FRK: variants seen among roughly 807,000 people sequenced by gnomAD.
The protein encoded by FRK is fyn related Src family tyrosine kinase.
Under a neutral mutation model 56.4 loss-of-function variants are expected in FRK, and 51 were observed. The ratio of observed to expected loss-of-function variants is 0.90; its 90% CI spans 0.72 to 1.14. The LOEUF (loss-of-function observed/expected upper bound fraction) is 1.14. Among genes scored for constraint, FRK ranks in the 50% most tolerant of loss-of-function variants. The pLI, the probability that FRK is intolerant of heterozygous loss-of-function variation, is 0.00. For missense variants in FRK, 570 were observed against 601.4 expected, an observed-to-expected ratio of 0.95 and a Z score of 0.55; for synonymous variants, 245 against 217.9, an observed-to-expected ratio of 1.12 and a Z score of -1.10.
intron 2 of FRK, among the ~76,000 whole-genome samples, chr6:115,998,184 T>C (rs1760325574): frequency 6.6e-6 from 1 of 152,198 alleles, no homozygotes; most frequent in African/African-American, 2.4e-5. Context: ...TCTGCTCATC[T>C]TGCACCTATA....
chr6:116,059,957 G>A lies in FRK; in HGVS notation c.344+11C>T, dbSNP rs1379834423. On this transcript the variant is annotated intron_variant, in intron 1 of 7. Coordinates refer to ENST00000606080, the MANE Select transcript of FRK (RefSeq NM_002031.3). ...GAGTTCAGAAATTAAGTATAAGTTT[G>A]TACTACTCACGGCTCTGCCTGTAGG... is the stretch of plus-strand genomic sequence containing the variant. The A allele has an allele frequency of 6.2e-7, 1 of 1,603,566 alleles. No homozygotes were observed. Among genetic ancestry groups the A allele is most frequent in the South Asian group, 1.1e-5 (1 of 90,574 alleles).
intron 5 of FRK, among the ~76,000 whole-genome samples, chr6:115,953,471 G>A (rs1217385693): frequency 1.3e-5 from 2 of 152,120 alleles, no homozygotes; most frequent in African/African-American, 4.8e-5. Context: ...TTACAGGCGT[G>A]AGCCACCGCG....
the FRK span, among the ~76,000 whole-genome samples, chr6:116,097,473 T>C: frequency 1.3e-5 from 2 of 152,144 alleles, no homozygotes; most frequent in Non-Finnish European, 2.9e-5. Flanking sequence ...TTCCCAAAAA[T>C]GTATGGCAAA....
chr6:115,957,225 G>A (rs1773036056), intron 4 of FRK, among the ~76,000 whole-genome samples: 1 of 152,132 alleles, frequency 6.6e-6, no homozygotes, highest in African/African-American at 2.4e-5. Flanking sequence ...TGCTTCCACA[G>A]TCAGAGCCTT....
chr6:116,022,000 A>T (rs1775888422), intron 1 of FRK, among the ~76,000 whole-genome samples: 1 of 151,980 alleles, frequency 6.6e-6, no homozygotes, highest in South Asian at 2.1e-4. Flanking sequence ...AGACCATCAC[A>T]GATTCTCACA....
intron 1 of FRK, among the ~76,000 whole-genome samples, chr6:116,025,602 C>A (rs915603541): frequency 6.6e-6 from 1 of 152,148 alleles, no homozygotes; most frequent in Non-Finnish European, 1.5e-5. Flanking sequence ...AAGCTTGAAA[C>A]CACATTCTTG....
intron 1 of FRK, among the ~76,000 whole-genome samples, chr6:116,047,652 A>C (rs1368647167): frequency 2.0e-5 from 1 of 49,258 alleles, no homozygotes; most frequent in East Asian, 5.9e-4. Context: ...ATGAGTCTGA[A>C]GGTTACCACT....
chr6:116,028,478 G>A (rs538609420), intron 1 of FRK, among the ~76,000 whole-genome samples: 55 of 152,222 alleles, frequency 3.6e-4, no homozygotes, highest in Non-Finnish European at 3.5e-4. Flanking sequence ...TCTTCCTACA[G>A]CTCTCAAGGT....
chr6:115,944,546 T>C (rs1772344260), intron 5 of FRK, 121 bp from the exon 6 acceptor site: 2 of 648,886 alleles, frequency 3.1e-6, no homozygotes, highest in Non-Finnish European at 5.1e-6. Context: ...CACTGATCTG[T>C]TGAGCAAAAT....
intron 2 of FRK, among the ~76,000 whole-genome samples, chr6:115,973,971 TAGA>T (rs1773907195): frequency 6.6e-6 from 1 of 151,928 alleles, no homozygotes; most frequent in African/African-American, 2.4e-5. Flanking sequence ...ATATAAGAAG[TAGA>T]AGGATATCTA....
intron 1 of FRK, chr6:116,039,429 T>C: frequency 1.3e-6 from 2 of 1,574,410 alleles, no homozygotes; most frequent in Non-Finnish European, 1.7e-6. Flanking sequence ...CTGAAGTGGA[T>C]GGCTTCCTCG....
intron 2 of FRK, among the ~76,000 whole-genome samples, chr6:115,978,682 G>A (rs1774079613): frequency 6.6e-6 from 1 of 152,148 alleles, no homozygotes. Context: ...TAGTGGAGCT[G>A]AAAAATGCTA....
chr6:115,942,038 C>A lies in FRK; in HGVS notation c.*376G>T. 1 of 184,272 alleles carries A rather than the reference C, an allele frequency of 5.4e-6. No individual in the cohort carries two copies. Among genetic ancestry groups the A allele is most frequent in the Non-Finnish European group, 1.1e-5 (1 of 87,380 alleles). The allele number at this position is 184,272 out of a possible 1,614,324, so 11.4% of individuals were successfully genotyped here. ...AGCAATCTGAGGAATAATGAATAAC[C>A]ACTCTAATCAGTAAACAGGAAAATG... On this transcript the variant is annotated 3_prime_UTR_variant, in exon 8 of 8. Transcript: ENST00000606080.
chr6:116,082,389 G>C, the FRK span, among the ~76,000 whole-genome samples: 1 of 152,174 alleles, frequency 6.6e-6, no homozygotes, highest in African/African-American at 2.4e-5. Flanking sequence ...AATTGGGATG[G>C]AGAGGGATGA....
At chr6:116,039,882 C>T (rs1776646002) in intron 1 of FRK, among the ~76,000 whole-genome samples, 1 of 151,460 alleles carries the variant, frequency 6.6e-6, no homozygotes, top group South Asian at 2.1e-4. Context: ...CCCACGGTGC[C>T]CGCGCCTGTG....
chr6:116,008,024 T>C (rs1461676601), intron 1 of FRK, among the ~76,000 whole-genome samples: 2 of 152,200 alleles, frequency 1.3e-5, no homozygotes, highest in Non-Finnish European at 2.9e-5. Flanking sequence ...AGAATTACAA[T>C]GTATCTAGCA....
chr6:116,096,780 C>T, the FRK span, among the ~76,000 whole-genome samples: 3 of 152,342 alleles, frequency 2.0e-5, no homozygotes, highest in South Asian at 6.2e-4. Flanking sequence ...CACTCAGGTC[C>T]TCTTCCATGC....
intron 1 of FRK, among the ~76,000 whole-genome samples, chr6:116,058,375 A>G (rs193246483): frequency 6.6e-6 from 1 of 152,350 alleles, no homozygotes; most frequent in East Asian, 1.9e-4. Context: ...AGCATAAATT[A>G]AGACCCTTCT....
At chr6:116,081,027 T>G in the FRK span, among the ~76,000 whole-genome samples, 1 of 152,282 alleles carries the variant, frequency 6.6e-6, no homozygotes, top group South Asian at 2.1e-4. Context: ...AGGAGCAAAG[T>G]CATGTCCTAC....
Sources: gnomAD v4.1 joint callset for allele counts (sites outside exome capture counted in the v4.1 genomes callset) on GRCh38, gnomAD v4.1.1 for gene constraint, MANE v1.5 for transcripts, NCBI Gene and HGNC (gene_info 2026-07-23, HGNC 2026-07-21) for gene names.